Variants in DMD observed in about 807,000 individuals in gnomAD.
The protein encoded by DMD is mutant dystrophin.
DMD carries 63 observed loss-of-function variants against 330.1 expected under a neutral mutation model. That is an observed-to-expected ratio of 0.19 (90% confidence interval 0.16 to 0.24). The LOEUF is 0.24. Ranked by LOEUF, DMD falls within the 10% of genes least tolerant of loss-of-function variation. DMD has a pLI of 1.00. For missense variants in DMD, 3,344 were observed against 2,684.1 expected, an observed-to-expected ratio of 1.25 and a Z score of -5.43; for synonymous variants, 1,223 against 959.8, an observed-to-expected ratio of 1.27 and a Z score of -5.07.
chrX:33,201,813 G>A (rs1308396895), intron 1 of DMD, among the ~76,000 whole-genome samples: 1 of 112,239 alleles, frequency 8.9e-6, no homozygotes, highest in Non-Finnish European at 1.9e-5. Context: ...TGTTCATGTA[G>A]CACAGTTGCC....
At chrX:31,863,779 T>A (rs2093752259) in intron 48 of DMD, among the ~76,000 whole-genome samples, 1 of 111,783 alleles carries the variant, frequency 8.9e-6, no homozygotes, top group South Asian at 3.7e-4. Flanking sequence ...TTTTTAAAAA[T>A]TGAATTTAAG....
At chrX:33,179,584 C>T (rs1473456261) in intron 1 of DMD, among the ~76,000 whole-genome samples, 1 of 108,010 alleles carries the variant, frequency 9.3e-6, no homozygotes, top group Non-Finnish European at 1.9e-5. Flanking sequence ...GTCCCAGCTA[C>T]TCGGGAGCCT....
chrX:32,342,348 G>A, intron 40 of DMD, 66 bp from the exon 41 acceptor site: 1 of 1,104,116 alleles, frequency 9.1e-7, no homozygotes, highest in Non-Finnish European at 1.2e-6. Flanking sequence ...CTTGCAAGCA[G>A]CAAATACTTC....
At chrX:32,649,894 G>C (rs956674571) in intron 9 of DMD, among the ~76,000 whole-genome samples, 16 of 111,292 alleles carry the variant, frequency 1.4e-4, no homozygotes, top group African/African-American at 5.2e-4. Flanking sequence ...CGTACGTAAG[G>C]CTGCTGGAAA....
chrX:31,165,124 T>TCAATTA (rs1292308603), intron 74 of DMD, among the ~76,000 whole-genome samples: 2 of 112,051 alleles, frequency 1.8e-5, no homozygotes, highest in Non-Finnish European at 3.8e-5. Flanking sequence ...AGGTCCAAAG[T>TCAATTA]CATCAAGTCA....
At chrX:31,272,940 A>C (rs1190577480) in intron 62 of DMD, among the ~76,000 whole-genome samples, 1 of 112,302 alleles carries the variant, frequency 8.9e-6, no homozygotes, top group African/African-American at 3.2e-5. Context: ...ATCTAACAAA[A>C]GATTAATGGA....
At chrX:33,304,263 A>G (rs747849834) in intron 1 of DMD, among the ~76,000 whole-genome samples, 2 of 110,789 alleles carry the variant, frequency 1.8e-5, no homozygotes, top group Admixed American at 9.7e-5. Flanking sequence ...ATAATGCTGC[A>G]TATCTACAAC....
intron 1 of DMD, among the ~76,000 whole-genome samples, chrX:33,175,090 C>T (rs1308698368): frequency 8.9e-6 from 1 of 111,943 alleles, no homozygotes; most frequent in Non-Finnish European, 1.9e-5. Context: ...GGAGGAGTTG[C>T]AAAATATATG....
intron 44 of DMD, among the ~76,000 whole-genome samples, chrX:32,069,930 G>T (rs1313960068): frequency 9.0e-6 from 1 of 111,678 alleles, no homozygotes; most frequent in Non-Finnish European, 1.9e-5. Context: ...AATTGACAAG[G>T]AGGACATTAT....
chrX:32,393,778 A>G (rs1158598274), intron 30 of DMD, among the ~76,000 whole-genome samples: 2 of 111,320 alleles, frequency 1.8e-5, no homozygotes, highest in Non-Finnish European at 3.8e-5. Context: ...AAAGAAAAGA[A>G]GAACTAGAAA....
intron 54 of DMD, among the ~76,000 whole-genome samples, chrX:31,649,178 A>G (rs1041984123): frequency 1.8e-5 from 2 of 111,911 alleles, no homozygotes; most frequent in Admixed American, 9.5e-5. Context: ...TTGGTATCCT[A>G]TAATTTTTTA....
chrX:31,478,869 A>T, intron 58 of DMD, 114 bp downstream of exon 58: 2 of 834,158 alleles, frequency 2.4e-6, no homozygotes, highest in Non-Finnish European at 3.4e-6. Context: ...AATTGATTCT[A>T]TTTAACCAAG....
intron 44 of DMD, among the ~76,000 whole-genome samples, chrX:32,080,850 G>C (rs192739210): frequency 4.9e-4 from 55 of 111,934 alleles, no homozygotes; most frequent in Admixed American, 3.7e-3. Context: ...GAGTAGTAAG[G>C]CTCACTGTTC....
At chrX:32,522,965 T>C (rs1470223294) in intron 17 of DMD, among the ~76,000 whole-genome samples, 1 of 111,827 alleles carries the variant, frequency 8.9e-6, no homozygotes, top group Non-Finnish European at 1.9e-5. Flanking sequence ...CTCTCTAGTC[T>C]CACCCTCATT....
chrX:33,266,914 G>A (rs1212690813), intron 1 of DMD, among the ~76,000 whole-genome samples: 1 of 110,714 alleles, frequency 9.0e-6, no homozygotes, highest in African/African-American at 3.3e-5. Context: ...AAGTTGGAAC[G>A]ATTCCCACTG....
intron 29 of DMD, among the ~76,000 whole-genome samples, chrX:32,428,808 C>T (rs2098223889): frequency 1.8e-5 from 2 of 111,338 alleles, no homozygotes; most frequent in African/African-American, 6.5e-5. Flanking sequence ...GACGGGGTTT[C>T]ACCATGCTGC....
At chrX:31,391,137 T>C (rs1328227634) in intron 60 of DMD, among the ~76,000 whole-genome samples, 3 of 111,515 alleles carry the variant, frequency 2.7e-5, no homozygotes, top group African/African-American at 9.8e-5. Context: ...CATTTCTCAC[T>C]ATTTTTCTTT....
At chrX:31,815,561 C>T (rs776830810) in intron 50 of DMD, among the ~76,000 whole-genome samples, 154 of 111,819 alleles carry the variant, frequency 1.4e-3, no homozygotes, top group African/African-American at 4.8e-3. Context: ...GTGGTTCTAA[C>T]GCATGGTAAT....
chrX:32,708,241 T>C (rs1196760679), intron 7 of DMD, among the ~76,000 whole-genome samples: 3 of 110,849 alleles, frequency 2.7e-5, no homozygotes, highest in South Asian at 3.8e-4. Context: ...GGCAAATTAC[T>C]CAATGATGAC....
Sources: gnomAD v4.1 joint callset for allele counts (sites outside exome capture counted in the v4.1 genomes callset) on GRCh38, gnomAD v4.1.1 for gene constraint, MANE v1.5 for transcripts, NCBI Gene and HGNC (gene_info 2026-07-23, HGNC 2026-07-21) for gene names.